The following PTPRT variants were observed in gnomAD, a reference collection of about 807,000 sequenced individuals.
The protein encoded by PTPRT is receptor-type tyrosine-protein phosphatase T.
PTPRT carries 56 observed loss-of-function variants against 176.8 expected under a neutral mutation model. The ratio of observed to expected loss-of-function variants is 0.32; its 90% CI spans 0.26 to 0.40. The LOEUF (loss-of-function observed/expected upper bound fraction) is 0.40, where lower values mean the gene tolerates loss of function less well. Among genes scored for constraint, PTPRT ranks in the 10% least tolerant of loss-of-function variants. PTPRT has a pLI of 1.00. For missense variants in PTPRT, 1,540 were observed against 1,908.2 expected, an observed-to-expected ratio of 0.81 and a Z score of 3.60; for synonymous variants, 783 against 739.0, an observed-to-expected ratio of 1.06 and a Z score of -0.96.
At chr20:42,676,644 C>T (rs980014444) in intron 7 of PTPRT, among the ~76,000 whole-genome samples, 8 of 152,238 alleles carry the variant, frequency 5.3e-5, no homozygotes, top group Admixed American at 1.3e-4. Context: ...TACCACTGGC[C>T]ATTCTATGAC....
chr20:42,965,103 CCCA>C (rs780198001), intron 1 of PTPRT, among the ~76,000 whole-genome samples: 5 of 152,064 alleles, frequency 3.3e-5, no homozygotes, highest in Non-Finnish European at 5.9e-5. Flanking sequence ...TTCATATAAC[CCCA>C]CCAACAAATT....
At chr20:42,421,751 A>G (rs901325311) in intron 9 of PTPRT, among the ~76,000 whole-genome samples, 1 of 152,160 alleles carries the variant, frequency 6.6e-6, no homozygotes, top group Non-Finnish European at 1.5e-5. Context: ...AGCCAACACA[A>G]TCCAGCAAAA....
At chr20:42,788,333 A>C (rs1035355698) in intron 3 of PTPRT, among the ~76,000 whole-genome samples, 2 of 152,072 alleles carry the variant, frequency 1.3e-5, no homozygotes, top group African/African-American at 4.8e-5. Flanking sequence ...AGATGAGAAT[A>C]GGGAGCGAGT....
At chr20:42,690,261 G>A (rs2075770808) in intron 6 of PTPRT, among the ~76,000 whole-genome samples, 1 of 152,180 alleles carries the variant, frequency 6.6e-6, no homozygotes, top group South Asian at 2.1e-4. Flanking sequence ...AAGCAGTGGT[G>A]TCACGTAGGC....
chr20:42,299,207 G>A lies in PTPRT; in HGVS notation c.2139+16516C>T, dbSNP rs183871467. On this transcript the variant is annotated intron_variant, in intron 12 of 30. Transcript: ENST00000373187. Reference sequence around the variant, plus strand: ...TGTACAGCTAGGCTTTTAGAACCACGTTATAATGTTTTTAGAACCACGTTA... The same window carrying A: ...TGTACAGCTAGGCTTTTAGAACCACATTATAATGTTTTTAGAACCACGTTA... Among the ~76,000 whole-genome samples the A allele has an allele frequency of 2.3e-4, 35 of 152,180 alleles. No individual in the cohort carries two copies. In the East Asian group the frequency reaches 5.0e-3, roughly 22 times the overall value.
intron 1 of PTPRT, among the ~76,000 whole-genome samples, chr20:43,071,736 G>C (rs1211873160): frequency 6.6e-6 from 1 of 152,258 alleles, no homozygotes; most frequent in East Asian, 1.9e-4. Flanking sequence ...AGTGAGCCAA[G>C]ATCGTGCCAT....
chr20:43,097,081 G>A (rs1322837903), intron 1 of PTPRT, among the ~76,000 whole-genome samples: 1 of 152,220 alleles, frequency 6.6e-6, no homozygotes, highest in African/African-American at 2.4e-5. Context: ...AGTTGCTGAT[G>A]AGCGTTGGCC....
chr20:42,725,399 G>T (rs1211720798), intron 6 of PTPRT, among the ~76,000 whole-genome samples: 1 of 151,992 alleles, frequency 6.6e-6, no homozygotes, highest in East Asian at 1.9e-4. Context: ...TAGGCAGGGA[G>T]ATTTATCATC....
rs149002534 is a variant in PTPRT at position 42,924,242 on chromosome 20, T to TA, written c.89-38311dup. Among the ~76,000 whole-genome samples, 816 of 150,914 alleles carry TA rather than the reference T, an allele frequency of 5.4e-3. 6 individuals are homozygous for TA. Among genetic ancestry groups the TA allele is most frequent in the African/African-American group, 0.018 (759 of 41,204 alleles). Reference sequence around the variant, plus strand: ...TAACCTGCCTTTTAACCCTTCCATTTAAAAAAAAAATTATAGCATGTGCTA... The same window carrying TA: ...TAACCTGCCTTTTAACCCTTCCATTTAAAAAAAAAAATTATAGCATGTGCTA... On this transcript the variant is annotated intron_variant, in intron 1 of 30. Transcript: ENST00000373187.
chr20:42,861,896 T>G (rs112898483), intron 2 of PTPRT, among the ~76,000 whole-genome samples: 29 of 151,542 alleles, frequency 1.9e-4, no homozygotes, highest in African/African-American at 6.5e-4. Context: ...GACCAGGGTA[T>G]CACCAGCAAG....
intron 1 of PTPRT, among the ~76,000 whole-genome samples, chr20:43,106,703 GGAAA>G (rs1339529925): frequency 8.2e-6 from 1 of 121,610 alleles, no homozygotes; most frequent in Non-Finnish European, 1.7e-5. Context: ...AAGGAACAAA[GGAAA>G]GAAGGAAGGG....
intron 1 of PTPRT, among the ~76,000 whole-genome samples, chr20:43,032,587 C>T (rs926163995): frequency 6.6e-6 from 1 of 151,792 alleles, no homozygotes; most frequent in Admixed American, 6.6e-5. Context: ...TTTATGTTCA[C>T]TTGATAAACA....
intron 1 of PTPRT, among the ~76,000 whole-genome samples, chr20:43,096,135 T>A: frequency 6.8e-6 from 1 of 147,988 alleles, no homozygotes; most frequent in African/African-American, 2.5e-5. Flanking sequence ...CCCTCTCTTC[T>A]CTGCCTCTCC....
chr20:42,651,603 A>G (rs1291055652), intron 7 of PTPRT, among the ~76,000 whole-genome samples: 1 of 152,166 alleles, frequency 6.6e-6, no homozygotes, highest in Non-Finnish European at 1.5e-5. Flanking sequence ...CCTTTTCTAG[A>G]ACATTACTAA....
At chr20:42,398,536 A>G (rs748073710) in intron 9 of PTPRT, among the ~76,000 whole-genome samples, 19 of 152,222 alleles carry the variant, frequency 1.2e-4, no homozygotes, top group Non-Finnish European at 2.1e-4. Flanking sequence ...GTATTATTTC[A>G]TGAAATATGC....
the PTPRT span, among the ~76,000 whole-genome samples, chr20:42,037,897 G>A: frequency 1.3e-5 from 2 of 152,180 alleles, no homozygotes; most frequent in African/African-American, 4.8e-5. Flanking sequence ...GCTAGGTGGG[G>A]TGTAGGAGGC....
intron 23 of PTPRT, 96 bp downstream of exon 23, chr20:42,110,237 A>C: frequency 2.6e-6 from 3 of 1,156,112 alleles, no homozygotes; most frequent in Non-Finnish European, 3.6e-6. Context: ...TCTTTAGTAG[A>C]GACGAGGTTT....
At chr20:42,923,746 T>C (rs557483517) in intron 1 of PTPRT, among the ~76,000 whole-genome samples, 2 of 152,354 alleles carry the variant, frequency 1.3e-5, no homozygotes, top group East Asian at 3.9e-4. Flanking sequence ...CAGTGGATGC[T>C]TCACAACCTG....
chr20:42,516,516 T>C (rs1390968628), intron 7 of PTPRT, among the ~76,000 whole-genome samples: 2 of 152,212 alleles, frequency 1.3e-5, no homozygotes, highest in Admixed American at 1.3e-4. Flanking sequence ...TTATATTACA[T>C]GACTAGACTA....
Sources: allele counts gnomAD v4.1 joint callset (sites outside exome capture counted in the v4.1 genomes callset), GRCh38; gene constraint gnomAD v4.1.1; transcripts MANE v1.5; gene names NCBI Gene and HGNC (gene_info 2026-07-23, HGNC 2026-07-21).